PDE4D: variants seen among roughly 807,000 people sequenced by gnomAD.
PDE4D encodes phosphodiesterase 4D, also known as 3',5'-cyclic-AMP phosphodiesterase 4D.
PDE4D carries 24 observed loss-of-function variants against 87.4 expected under a neutral mutation model. The observed-to-expected ratio is 0.27, with a 90% CI of 0.20 to 0.39. The LOEUF (loss-of-function observed/expected upper bound fraction) is 0.39. Ranked by LOEUF, PDE4D falls within the 10% of genes least tolerant of loss-of-function variation. The pLI, the probability that PDE4D is intolerant of heterozygous loss-of-function variation, is 1.00. For synonymous variants in PDE4D, 384 were observed against 383.2 expected (o/e 1.00, Z -0.02); for missense variants, 714 against 1,041.0 (o/e 0.69, Z 4.32).
intron 2 of PDE4D, among the ~76,000 whole-genome samples, chr5:60,172,269 C>CACAG (rs2149484050): frequency 7.0e-6 from 1 of 142,628 alleles, no homozygotes; most frequent in South Asian, 2.1e-4. Flanking sequence ...CTTCAATACA[C>CACAG]ACACACACAC....
intron 1 of PDE4D, among the ~76,000 whole-genome samples, chr5:59,290,466 A>G (rs1483999482): frequency 6.6e-6 from 1 of 152,110 alleles, no homozygotes; most frequent in Non-Finnish European, 1.5e-5. Context: ...CTGAACTATG[A>G]AACTACTAAA....
chr5:59,135,996 G>T (rs1165291581), intron 5 of PDE4D, among the ~76,000 whole-genome samples: 2 of 149,276 alleles, frequency 1.3e-5, no homozygotes, highest in Non-Finnish European at 3.0e-5. Flanking sequence ...GGATGAATTT[G>T]ACTACTCAAA....
intron 1 of PDE4D, among the ~76,000 whole-genome samples, chr5:59,309,218 C>T (rs762084297): frequency 8.5e-5 from 13 of 152,170 alleles, no homozygotes; most frequent in Non-Finnish European, 1.9e-4. Flanking sequence ...TTCTACTCCA[C>T]CTGTGGAGTC....
intron 2 of PDE4D, among the ~76,000 whole-genome samples, chr5:60,011,061 T>C (rs1296057066): frequency 1.3e-5 from 2 of 152,166 alleles, no homozygotes; most frequent in African/African-American, 4.8e-5. Context: ...AAAGACAAGA[T>C]TGTAATTCTG....
intron 1 of PDE4D, among the ~76,000 whole-genome samples, chr5:59,789,152 C>A (rs980014597): frequency 6.6e-6 from 1 of 152,174 alleles, no homozygotes; most frequent in Non-Finnish European, 1.5e-5. Flanking sequence ...AACTGGGAAG[C>A]CTCACCTAAG....
In PDE4D at chr5:58,975,565, T is replaced by A; in HGVS notation, c.2013+92A>T. On this transcript the variant is annotated intron_variant, in intron 14 of 14. Coordinates refer to ENST00000340635, the MANE Select transcript of PDE4D (RefSeq NM_001104631.2). The surrounding 1 kb of genome is among the most constrained non-coding windows in gnomAD (Gnocchi z 4.2). ...GTCAAAAACAAAGTAATTTTAAAAA[T>A]CCAGTAAAATACTATCATATGTAAT... The A allele has an allele frequency of 1.0e-6, 1 of 997,444 alleles. No individual in the cohort carries two copies. The allele number at this position is 997,444 out of a possible 1,614,324, so 61.8% of individuals were successfully genotyped here. A position where few individuals can be genotyped will look rare whatever the true frequency, so the allele number is the denominator to read the frequency against.
rs569736039 is a variant in PDE4D, at chr5:59,668,804, A to AAAG, written c.455+224361_455+224363dup. Among the ~76,000 whole-genome samples, 289 of 108,166 alleles carry AAAG rather than the reference A, an allele frequency of 2.7e-3. 16 individuals are homozygous for AAAG. The highest frequency in any genetic ancestry group is 5.9e-3 in the African/African-American group (147 of 24,712). 71.0% of individuals were successfully genotyped at this position (108,166 alleles called of 152,430 possible). On this transcript the variant is annotated intron_variant, in intron 1 of 14. Transcript: ENST00000340635. Reference sequence around the variant, plus strand: ...AAGAAGAAGAAGAAAGAAGAAGAAGAAAGAAGAAGAAGAAGAAGAAGAAGA... The same window carrying AAAG: ...AAGAAGAAGAAGAAAGAAGAAGAAGAAAGAAGAAGAAGAAGAAGAAGAAGAAGA...
intron 6 of PDE4D, among the ~76,000 whole-genome samples, chr5:59,006,937 C>T (rs753329474): frequency 2.0e-5 from 3 of 152,026 alleles, no homozygotes; most frequent in Non-Finnish European, 1.5e-5. Flanking sequence ...GTCACAAAGC[C>T]AGTAGTAAGT....
At chr5:59,645,082 A>C (rs1490496229) in intron 1 of PDE4D, among the ~76,000 whole-genome samples, 1 of 152,220 alleles carries the variant, frequency 6.6e-6, no homozygotes, top group Non-Finnish European at 1.5e-5. Flanking sequence ...CATAAAATGA[A>C]CTTCTAAGAA....
chr5:59,411,687 A>T (rs1242887436), intron 1 of PDE4D, among the ~76,000 whole-genome samples: 1 of 152,166 alleles, frequency 6.6e-6, no homozygotes, highest in Admixed American at 6.6e-5. Context: ...GCCACTCTAA[A>T]GACCTCATTT....
chr5:59,417,062 A>C (rs1389566843), intron 1 of PDE4D, among the ~76,000 whole-genome samples: 1 of 152,190 alleles, frequency 6.6e-6, no homozygotes, highest in Admixed American at 6.5e-5. Context: ...CAACAGATAA[A>C]CTATTCTACT....
chr5:59,180,599 T>A lies in PDE4D; in HGVS notation c.804A>T (p.Ile268=), dbSNP rs1741298773. 3.1e-6 allele frequency: 5 copies of A among 1,613,158 alleles called. No individual in the cohort carries two copies. The highest frequency in any genetic ancestry group is 4.2e-6 in the Non-Finnish European group (5 of 1,179,436). Residue 268 remains isoleucine (I), a synonymous_variant, in exon 5 of 15, where the codon ATA becomes ATT. Transcript: ENST00000340635. ...TAAGCTCCAGATCTTTCTTACCTGT[T>A]ATGGTGGCTTTGTTGATGGATGGTT... ...CNQPSINKAT[I]TEEAYQKLAS...
intron 1 of PDE4D, among the ~76,000 whole-genome samples, chr5:60,319,754 A>T (rs1015691044): frequency 1.3e-5 from 2 of 152,148 alleles, no homozygotes; most frequent in Non-Finnish European, 2.9e-5. Context: ...TCCACTCCAG[A>T]CCCTGTTTCC....
intron 1 of PDE4D, among the ~76,000 whole-genome samples, chr5:60,316,721 C>A (rs1755641037): frequency 6.6e-6 from 1 of 152,026 alleles, no homozygotes; most frequent in Non-Finnish European, 1.5e-5. Context: ...TTGTCAAAGG[C>A]CTTTTCTGCA....
At chr5:59,363,225 G>T (rs1469079931) in intron 1 of PDE4D, among the ~76,000 whole-genome samples, 2 of 152,178 alleles carry the variant, frequency 1.3e-5, no homozygotes, top group African/African-American at 2.4e-5. Flanking sequence ...ACTGAATAGG[G>T]TAACTAACAT....
chr5:59,149,895 G>A (rs1016036270), intron 5 of PDE4D, among the ~76,000 whole-genome samples: 1 of 151,902 alleles, frequency 6.6e-6, no homozygotes, highest in African/African-American at 2.4e-5. Context: ...TTATTTGAAA[G>A]TCTTCAGGTG....
intron 1 of PDE4D, among the ~76,000 whole-genome samples, chr5:59,387,432 A>G (rs1787305984): frequency 6.6e-6 from 1 of 152,170 alleles, no homozygotes; most frequent in South Asian, 2.1e-4. Context: ...TATAAATAAT[A>G]ATGGAGAAAA....
chr5:60,261,631 G>T (rs1749653441), intron 1 of PDE4D, among the ~76,000 whole-genome samples: 1 of 152,084 alleles, frequency 6.6e-6, no homozygotes. Context: ...GAAAGAAAGA[G>T]GTGGGCTGAG....
intron 1 of PDE4D, among the ~76,000 whole-genome samples, chr5:59,795,900 T>G (rs1581149148): frequency 6.6e-6 from 1 of 152,116 alleles, no homozygotes; most frequent in East Asian, 1.9e-4. Context: ...AATGGGGAAA[T>G]GCAGACACAC....
Sources: gnomAD v4.1 joint callset for allele counts (sites outside exome capture counted in the v4.1 genomes callset) on GRCh38, gnomAD v4.1.1 for gene constraint, Gnocchi (gnomAD v3.1) non-coding constraint, MANE v1.5 for transcripts, NCBI Gene and HGNC (gene_info 2026-07-23, HGNC 2026-07-21) for gene names.